Variants in ROS1 observed in about 807,000 individuals in gnomAD.
ROS1 encodes proto-oncogene tyrosine-protein kinase ROS.
A neutral mutation model predicts 273.5 loss-of-function variants in ROS1; 263 were observed. The observed-to-expected ratio is 0.96, with a 90% CI of 0.87 to 1.06. The LOEUF is 1.06. Among genes scored for constraint, ROS1 ranks in the 50% least tolerant of loss-of-function variants. The pLI is 0.00. For missense variants in ROS1, 2,833 were observed against 2,751.1 expected (o/e 1.03, Z -0.67); for synonymous variants, 1,008 against 954.1 (o/e 1.06, Z -1.04).
chr6:117,335,134 C>T (rs1334178207), intron 32 of ROS1, among the ~76,000 whole-genome samples: 1 of 152,086 alleles, frequency 6.6e-6, no homozygotes, highest in East Asian at 1.9e-4. Flanking sequence ...GGAACTTAAA[C>T]ATATTTACAA....
At chr6:117,404,564 C>A in intron 5 of ROS1, 136 bp from the exon 6 acceptor site, 1 of 676,002 alleles carries the variant, frequency 1.5e-6, no homozygotes, top group Non-Finnish European at 2.5e-6. Context: ...CTTGAATAAT[C>A]AATGGTATGC....
intron 1 of ROS1, among the ~76,000 whole-genome samples, chr6:117,418,999 A>G (rs1193993446): frequency 6.6e-6 from 1 of 152,234 alleles, no homozygotes; most frequent in East Asian, 1.9e-4. Flanking sequence ...ACAGAGATCT[A>G]TAAATTGCTC....
intron 35 of ROS1, 149 bp from the exon 36 acceptor site, chr6:117,321,543 A>G: frequency 1.5e-6 from 1 of 679,448 alleles, no homozygotes; most frequent in African/African-American, 1.8e-5. Flanking sequence ...ATTTTAAAAT[A>G]TCTTATAAAA....
At position 117,337,242 on chromosome 6, in the gene ROS1, A is replaced by G; in HGVS notation, c.5160T>C (p.Asn1720=). Residue 1720 remains asparagine (N), a synonymous_variant, in exon 32 of 44, where the codon AAT becomes AAC. Transcript: ENST00000368507. ...ITNLQPYTSY[N]VRVVVVYKTG... Reference sequence around the variant, plus strand: ...TCTTATAAACCACCACTACTCTGACATTATATGAAGTATAAGGTTGTAGAT... The same window carrying G: ...TCTTATAAACCACCACTACTCTGACGTTATATGAAGTATAAGGTTGTAGAT... The G allele has an allele frequency of 6.2e-7, 1 of 1,612,618 alleles. No homozygotes were observed. Among genetic ancestry groups the G allele is most frequent in the South Asian group, 1.1e-5 (1 of 90,978 alleles).
intron 21 of ROS1, 88 bp from the exon 22 acceptor site, chr6:117,362,953 CAACTT>C (rs1463613200): frequency 1.1e-5 from 12 of 1,120,362 alleles, no homozygotes; most frequent in Admixed American, 2.9e-5. Flanking sequence ...AGATTGTAAA[CAACTT>C]AACAATATTT....
At position 117,411,975 on chromosome 6, in the gene ROS1, G is replaced by C. The variant is rs553265915; in HGVS notation, c.256-2333C>G. Among the ~76,000 whole-genome samples, 275 of 152,294 alleles carry C rather than the reference G, an allele frequency of 1.8e-3. 2 individuals carry two copies. Among genetic ancestry groups the C allele is most frequent in the Admixed American group, 0.017 (259 of 15,302 alleles). Reference sequence around the variant, plus strand: ...CTAGGCAGAGAAGGAGACTTTATTAGGGTGATCCAAGCCAAGACTTCAGTC... The same window carrying C: ...CTAGGCAGAGAAGGAGACTTTATTACGGTGATCCAAGCCAAGACTTCAGTC... On this transcript the variant is annotated intron_variant, in intron 4 of 43. Transcript: ENST00000368507.
chr6:117,326,578 A>G (rs1776660937), intron 33 of ROS1, among the ~76,000 whole-genome samples, 164 bp from the exon 34 acceptor site: 2 of 152,102 alleles, frequency 1.3e-5, no homozygotes, highest in African/African-American at 4.8e-5. Context: ...TGCTAACAGC[A>G]TGGTTTTATA....
intron 39 of ROS1, among the ~76,000 whole-genome samples, chr6:117,313,253 T>C (rs1415647987): frequency 6.6e-6 from 1 of 152,144 alleles, no homozygotes; most frequent in East Asian, 1.9e-4. Context: ...CTTTTTTCTA[T>C]CTTAATACAA....
At chr6:117,295,502 T>C (rs776099422) in intron 43 of ROS1, among the ~76,000 whole-genome samples, 8 of 151,980 alleles carry the variant, frequency 5.3e-5, no homozygotes, top group Non-Finnish European at 7.4e-5. Flanking sequence ...TCACATCAAA[T>C]TTAAAAAGCT....
intron 7 of ROS1, among the ~76,000 whole-genome samples, chr6:117,401,859 CA>C (rs1773973697): frequency 6.9e-6 from 1 of 145,210 alleles, no homozygotes; most frequent in Admixed American, 6.8e-5. Flanking sequence ...GTTATTTTTC[CA>C]CAGCCAAAGA....
chr6:117,340,026 T>A (rs1777805526), intron 31 of ROS1, among the ~76,000 whole-genome samples: 1 of 152,160 alleles, frequency 6.6e-6, no homozygotes, highest in South Asian at 2.1e-4. Flanking sequence ...ATTTCTTTGA[T>A]AATCTTGGAA....
At position 117,319,944 on chromosome 6, in the gene ROS1, G is replaced by A. The variant is rs1776174228; in HGVS notation, c.5846C>T (p.Ala1949Val). The change falls in exon 37 of 44, where the codon GCC becomes GTC. Residue 1949 changes from alanine to valine, a missense_variant. Ala to Val is a moderately conservative substitution (Grantham distance 64). Transcript: ENST00000368507. ...LTLRLLLGSG[A>V]FGEVYEGTAV... ...TGTTCCTTCATACACTTCTCCAAAG[G>A]CTCCACTTCCCAGCAAGAGACGCAG... 1 of 1,613,352 alleles carries A rather than the reference G, an allele frequency of 6.2e-7. No homozygotes were observed. The highest frequency in any genetic ancestry group is 1.3e-5 in the African/African-American group (1 of 74,958).
chr6:117,332,464 G>A (rs1023003980), intron 32 of ROS1, among the ~76,000 whole-genome samples: 7 of 152,144 alleles, frequency 4.6e-5, no homozygotes, highest in Non-Finnish European at 1.5e-5. Flanking sequence ...AGGATATTCA[G>A]GACTTGAACT....
At chr6:117,381,780 T>C (rs1317754058) in intron 17 of ROS1, among the ~76,000 whole-genome samples, 1 of 152,152 alleles carries the variant, frequency 6.6e-6, no homozygotes, top group African/African-American at 2.4e-5. Context: ...GATTGCTGGA[T>C]CGAATGATAG....
At chr6:117,407,082 G>A (rs1005929681) in intron 5 of ROS1, among the ~76,000 whole-genome samples, 2 of 150,582 alleles carry the variant, frequency 1.3e-5, no homozygotes, top group African/African-American at 4.9e-5. Flanking sequence ...AAAAAAAAAT[G>A]TAATATCACT....
intron 18 of ROS1, among the ~76,000 whole-genome samples, chr6:117,373,287 C>G (rs1354425813): frequency 6.6e-6 from 1 of 152,266 alleles, no homozygotes; most frequent in Non-Finnish European, 1.5e-5. Context: ...CACCATGCGC[C>G]TGCACTCCTC....
intron 33 of ROS1, among the ~76,000 whole-genome samples, chr6:117,327,016 CT>C (rs1776690081): frequency 6.6e-6 from 1 of 152,144 alleles, no homozygotes; most frequent in South Asian, 2.1e-4. Context: ...ACTGGAATGA[CT>C]TTTTACAGAA....
intron 43 of ROS1, among the ~76,000 whole-genome samples, chr6:117,293,460 C>T (rs1049823723): frequency 2.0e-5 from 3 of 152,126 alleles, no homozygotes; most frequent in African/African-American, 7.2e-5. Context: ...TATGCACATA[C>T]AATATCTGCA....
intron 18 of ROS1, among the ~76,000 whole-genome samples, chr6:117,376,370 C>T (rs1007208414): frequency 7.9e-5 from 12 of 152,026 alleles, no homozygotes; most frequent in Non-Finnish European, 1.3e-4. Context: ...AAATAATTTT[C>T]CACAAAGAAA....
Sources: allele counts gnomAD v4.1 joint callset (sites outside exome capture counted in the v4.1 genomes callset), GRCh38; gene constraint gnomAD v4.1.1; transcripts MANE v1.5; gene names NCBI Gene and HGNC (gene_info 2026-07-23, HGNC 2026-07-21).